NAV3: variants seen among roughly 807,000 people sequenced by gnomAD.
NAV3 encodes pore membrane and/or filament interacting like protein 1.
A neutral mutation model predicts 244.7 loss-of-function variants in NAV3; 87 were observed. The ratio of observed to expected loss-of-function variants is 0.36; its 90% CI spans 0.30 to 0.42. The LOEUF (loss-of-function observed/expected upper bound fraction) is 0.42. Among genes scored for constraint, NAV3 ranks in the 20% least tolerant of loss-of-function variants. NAV3 has a pLI of 1.00. For synonymous variants in NAV3, 1,126 were observed against 1,042.2 expected (o/e 1.08, Z -1.55); for missense variants, 2,663 against 2,893.3 (o/e 0.92, Z 1.83).
At chr12:77,802,174 C>T (rs912615163) in intron 2 of NAV3, among the ~76,000 whole-genome samples, 8 of 152,066 alleles carry the variant, frequency 5.3e-5, no homozygotes, top group Non-Finnish European at 1.0e-4. Flanking sequence ...ATAATTACAG[C>T]CCAGAAAATT....
chr12:77,637,165 G>C (rs58846247), intron 2 of NAV3, among the ~76,000 whole-genome samples: 1 of 151,524 alleles, frequency 6.6e-6, no homozygotes, highest in African/African-American at 2.4e-5. Flanking sequence ...AAATAAATAA[G>C]TCTAATAAAT....
intron 5 of NAV3, among the ~76,000 whole-genome samples, chr12:77,989,540 G>A (rs1871108564): frequency 6.6e-6 from 1 of 152,094 alleles, no homozygotes; most frequent in African/African-American, 2.4e-5. Flanking sequence ...ATCTGAGAGT[G>A]GTAGACACTT....
At chr12:77,755,367 C>A (rs1869080855) in intron 2 of NAV3, among the ~76,000 whole-genome samples, 1 of 152,126 alleles carries the variant, frequency 6.6e-6, no homozygotes, top group East Asian at 1.9e-4. Flanking sequence ...CTCATTCATA[C>A]CTACTCTGTA....
chr12:77,785,624 A>G (rs1870870619), intron 2 of NAV3, among the ~76,000 whole-genome samples: 1 of 152,200 alleles, frequency 6.6e-6, no homozygotes, highest in Non-Finnish European at 1.5e-5. Flanking sequence ...GAGGGTCAAG[A>G]GAGAACAAAC....
chr12:78,089,667 C>G (rs1029354143), intron 12 of NAV3, among the ~76,000 whole-genome samples: 2 of 152,052 alleles, frequency 1.3e-5, no homozygotes, highest in African/African-American at 4.8e-5. Flanking sequence ...AATTAGAACT[C>G]AAGGTATGAT....
intron 12 of NAV3, among the ~76,000 whole-genome samples, chr12:78,114,580 A>G (rs1195239332): frequency 6.6e-6 from 1 of 151,948 alleles, no homozygotes; most frequent in African/African-American, 2.4e-5. Flanking sequence ...ATGAGAACTC[A>G]CTCTCTTGAG....
In NAV3 at chr12:78,116,784, C is replaced by G. The variant is rs754824347; in HGVS notation, c.2649C>G (p.Ser883Arg). 5.0e-6 allele frequency: 8 copies of G among 1,596,428 alleles called. No homozygotes were observed. The highest frequency in any genetic ancestry group is 6.0e-6 in the Non-Finnish European group (7 of 1,168,766). The change falls in exon 13 of 40, where the codon AGC becomes AGG. Residue 883 changes from serine (S) to arginine (R), a missense_variant. Transcript: ENST00000397909. ...VTVDADSWDD[S>R]SSVSSGLSDT... ...GTCTTGCCTTTAGCTGGGATGACAG[C>G]AGTTCAGTGAGCAGTGGTCTCAGTG...
intron 2 of NAV3, among the ~76,000 whole-genome samples, chr12:77,692,567 A>C (rs1211617977): frequency 6.6e-6 from 1 of 152,126 alleles, no homozygotes; most frequent in Non-Finnish European, 1.5e-5. Flanking sequence ...TGATGAATAT[A>C]AAATCTCCTT....
At chr12:78,146,780 A>G (rs771954594) in intron 21 of NAV3, among the ~76,000 whole-genome samples, 4 of 152,086 alleles carry the variant, frequency 2.6e-5, no homozygotes, top group Non-Finnish European at 5.9e-5. Flanking sequence ...CCTCCACAAC[A>G]CAGGATACTA....
In NAV3 at chr12:77,769,809, CT is replaced by C. The variant is rs570905833; in HGVS notation, c.73-170506del. Among the ~76,000 whole-genome samples the C allele has an allele frequency of 1.7e-3, 257 of 152,226 alleles. 1 individual carries two copies. The highest frequency in any genetic ancestry group is 5.8e-3 in the African/African-American group (243 of 41,544). On this transcript the variant is annotated intron_variant, in intron 2 of 8. Transcript: ENST00000550042. ...ACTTGAGCAGATCCTGTATTGATAT[CT>C]TTTAGTTAACTAGGCAGTGAATATT...
At chr12:77,687,382 C>T (rs558129919) in intron 2 of NAV3, among the ~76,000 whole-genome samples, 12 of 152,008 alleles carry the variant, frequency 7.9e-5, no homozygotes, top group African/African-American at 2.4e-4. Flanking sequence ...ATAAGAAAGC[C>T]GTATTAGAGC....
chr12:77,912,153 C>G (rs1886662733), intron 1 of NAV3, among the ~76,000 whole-genome samples: 1 of 152,076 alleles, frequency 6.6e-6, no homozygotes, highest in Non-Finnish European at 1.5e-5. Flanking sequence ...AATTCTAACT[C>G]CATCACCACC....
intron 2 of NAV3, among the ~76,000 whole-genome samples, chr12:77,749,255 AT>A (rs1868715758): frequency 6.6e-6 from 1 of 152,224 alleles, no homozygotes; most frequent in African/African-American, 2.4e-5. Context: ...AAAAAGAAAT[AT>A]CATTATATAT....
chr12:77,712,503 G>C (rs1395640753), intron 2 of NAV3, among the ~76,000 whole-genome samples: 1 of 152,062 alleles, frequency 6.6e-6, no homozygotes, highest in African/African-American at 2.4e-5. Flanking sequence ...AGTATTTGGG[G>C]TAAAAAAGTG....
chr12:77,900,728 C>T (rs1178616685), intron 1 of NAV3, among the ~76,000 whole-genome samples: 1 of 152,112 alleles, frequency 6.6e-6, no homozygotes, highest in Non-Finnish European at 1.5e-5. Context: ...GGTTATATAA[C>T]CAGTAATGAG....
intron 5 of NAV3, among the ~76,000 whole-genome samples, chr12:77,974,921 CAT>C (rs1418759437): frequency 1.3e-5 from 2 of 152,180 alleles, no homozygotes; most frequent in East Asian, 3.8e-4. Flanking sequence ...GATCATATCA[CAT>C]GTGTAATAAA....
At chr12:77,680,072 G>T (rs1009204060) in intron 2 of NAV3, among the ~76,000 whole-genome samples, 2 of 152,138 alleles carry the variant, frequency 1.3e-5, no homozygotes, top group African/African-American at 2.4e-5. Flanking sequence ...AATAGAGATT[G>T]CATGGTGTTA....
chr12:78,051,276 T>C (rs1882721096), intron 11 of NAV3, 129 bp downstream of exon 11: 1 of 1,048,402 alleles, frequency 9.5e-7, no homozygotes, highest in Non-Finnish European at 1.4e-6. Flanking sequence ...CTGAGGTTAT[T>C]CAGAGTGTTG....
At chr12:77,718,627 T>TATTTGAATATCCAATTC (rs141758807) in intron 2 of NAV3, among the ~76,000 whole-genome samples, 3,581 of 152,184 alleles carry the variant, frequency 0.024, 142 homozygotes, top group African/African-American at 0.081. Context: ...GATGGAGATT[T>TATTTGAATATCCAATTC]ATTTGAATAT....
Sources: gnomAD v4.1 joint callset for allele counts (sites outside exome capture counted in the v4.1 genomes callset) on GRCh38, gnomAD v4.1.1 for gene constraint, MANE v1.5 for transcripts, NCBI Gene and HGNC (gene_info 2026-07-23, HGNC 2026-07-21) for gene names.